The following CLSTN1 variants were observed in gnomAD, a reference collection of about 807,000 sequenced individuals.
The protein encoded by CLSTN1 is calsyntenin-1.
A neutral mutation model predicts 108.3 loss-of-function variants in CLSTN1; 28 were observed. The ratio of observed to expected loss-of-function variants is 0.26; its 90% confidence interval spans 0.19 to 0.35. The LOEUF (loss-of-function observed/expected upper bound fraction) is 0.35, where lower values mean the gene tolerates loss of function less well. Ranked by LOEUF, CLSTN1 falls within the 10% of genes least tolerant of loss-of-function variation. The pLI is 1.00. For synonymous variants in CLSTN1, 524 were observed against 534.9 expected (o/e 0.98, Z 0.28); for missense variants, 1,157 against 1,302.6 (o/e 0.89, Z 1.72).
At chr1:9,781,634 G>A (rs1653255728) in intron 1 of CLSTN1, among the ~76,000 whole-genome samples, 1 of 152,016 alleles carries the variant, frequency 6.6e-6, no homozygotes, top group East Asian at 1.9e-4. Flanking sequence ...GTAGAGATGG[G>A]GTTTCTCCAT....
Position 9,756,336 on chromosome 1 carries a change from A to AT in CLSTN1, c.244+144dup. 3 of 655,198 alleles carry AT rather than the reference A, an allele frequency of 4.6e-6. No individual in the cohort carries two copies. In the South Asian group the frequency reaches 6.2e-5, roughly 13 times the overall value. 40.6% of individuals were successfully genotyped at this position (655,198 alleles called of 1,614,324 possible). On this transcript the variant is annotated intron_variant, in intron 3 of 18. Coordinates refer to ENST00000377298, the MANE Select transcript of CLSTN1 (RefSeq NM_001009566.3). ...CTGGTTACATACAATTTCCATCAAT[A>AT]TACTTTAAAATAGAAACAAAGTAGG...
chr1:9,811,749 G>C (rs199825992), intron 1 of CLSTN1, among the ~76,000 whole-genome samples: 1 of 140,910 alleles, frequency 7.1e-6, no homozygotes, highest in Non-Finnish European at 1.5e-5. Context: ...AAAAAAAAAA[G>C]AGTAGGGATT....
In CLSTN1 at chr1:9,823,335, G is replaced by A. The variant is rs1022594938; in HGVS notation, c.91+308C>T. Among the ~76,000 whole-genome samples, 9 of 152,194 alleles carry A rather than the reference G, an allele frequency of 5.9e-5. No individual in the cohort carries two copies. The highest frequency in any genetic ancestry group is 1.2e-4 in the Non-Finnish European group (8 of 68,018). On this transcript the variant is annotated intron_variant, in intron 1 of 18. Coordinates refer to ENST00000377298, the MANE Select transcript of CLSTN1 (RefSeq NM_001009566.3). This position sits in a 1 kb window ranked among gnomAD's most constrained non-coding sequence, Gnocchi z 6.3. ...ATCAGCGCAGCCACCACCATGGGCT[G>A]CAGTGGGGGCAGCCCAGGCTCAGGA... is the stretch of plus-strand genomic sequence containing the variant.
chr1:9,784,060 T>C (rs1353268017), intron 1 of CLSTN1, among the ~76,000 whole-genome samples: 1 of 150,870 alleles, frequency 6.6e-6, no homozygotes, highest in African/African-American at 2.4e-5. Flanking sequence ...TAATCCCAGA[T>C]ACTTGGGAGG....
intron 1 of CLSTN1, among the ~76,000 whole-genome samples, chr1:9,820,378 G>C (rs1032859926): frequency 1.3e-5 from 2 of 152,116 alleles, no homozygotes; most frequent in African/African-American, 2.4e-5. Context: ...AATGAGCCCA[G>C]TGTGATGGCA....
rs780335826 is a variant in CLSTN1, at chr1:9,731,329, A to G, written c.2625T>C (p.Ile875=). The change falls in exon 18 of 19, where the codon ATT becomes ATC. Residue 875 remains isoleucine, a synonymous_variant. Coordinates refer to ENST00000377298, the MANE Select transcript of CLSTN1 (RefSeq NM_001009566.3). The stretch of plus-strand genomic sequence containing the variant: ...CCCGGATCCGAAATACCCCCAGGAT[A>G]ATCATGAACACCAGGAAGCTGACGC... ...VVCVSFLVFM[I]ILGVFRIRAA... is the part of the protein sequence containing the mutation. 1.4e-5 allele frequency: 22 copies of G among 1,614,120 alleles called. No homozygotes were observed. Among genetic ancestry groups the G allele is most frequent in the Non-Finnish European group, 1.9e-5 (22 of 1,180,050 alleles).
intron 2 of CLSTN1, among the ~76,000 whole-genome samples, chr1:9,763,736 C>T (rs1652192883): frequency 6.6e-6 from 1 of 152,174 alleles, no homozygotes; most frequent in Admixed American, 6.5e-5. Flanking sequence ...TCCTGTGCTC[C>T]TCTATACCCC....
intron 2 of CLSTN1, among the ~76,000 whole-genome samples, chr1:9,760,821 G>A (rs962933719): frequency 1.3e-5 from 2 of 149,110 alleles, no homozygotes; most frequent in Admixed American, 6.8e-5. Flanking sequence ...GAGCCACCAC[G>A]CCCGCCCCAG....
At chr1:9,772,956 T>C (rs1463836521) in intron 2 of CLSTN1, among the ~76,000 whole-genome samples, 1 of 152,164 alleles carries the variant, frequency 6.6e-6, no homozygotes, top group Non-Finnish European at 1.5e-5. Flanking sequence ...ACCCGCTGTC[T>C]CTACATTCCT....
chr1:9,758,476 G>A (rs577138215), intron 2 of CLSTN1, among the ~76,000 whole-genome samples: 1 of 151,548 alleles, frequency 6.6e-6, no homozygotes, highest in Admixed American at 6.6e-5. Context: ...ACCAAGCCTC[G>A]CTAATTTTTG....
intron 1 of CLSTN1, among the ~76,000 whole-genome samples, chr1:9,786,450 T>C (rs1653492066): frequency 6.6e-6 from 1 of 151,992 alleles, no homozygotes; most frequent in Non-Finnish European, 1.5e-5. Flanking sequence ...GAAACCAGCC[T>C]GGCCAACATG....
intron 11 of CLSTN1, 70 bp from the exon 12 acceptor site, chr1:9,736,112 A>AC (rs1650676502): frequency 1.3e-6 from 2 of 1,589,362 alleles, no homozygotes; most frequent in Admixed American, 1.7e-5. Flanking sequence ...TTCTCACTCA[A>AC]CACGGTGTTA....
chr1:9,733,988 C>T lies in CLSTN1; in HGVS notation c.2265G>A (p.Leu755=). The T allele has an allele frequency of 6.2e-7, 1 of 1,613,774 alleles. No individual in the cohort carries two copies. Among genetic ancestry groups the T allele is most frequent in the East Asian group, 2.2e-5 (1 of 44,858 alleles). Residue 755 remains leucine, a synonymous_variant, in exon 15 of 19, where the codon CTG becomes CTA. Coordinates refer to ENST00000377298, the MANE Select transcript of CLSTN1 (RefSeq NM_001009566.3). ...TCCCCTTACCTGTGAAGGTCATGCC[C>T]AGTTCAGAGCTGCTCACTTCAATGC... ...QKGIEVSSSE[L]GMTFTGVDTM... is the part of the protein sequence containing the mutation.
chr1:9,778,462 C>T (rs1314110575), intron 1 of CLSTN1, among the ~76,000 whole-genome samples: 1 of 151,972 alleles, frequency 6.6e-6, no homozygotes, highest in East Asian at 1.9e-4. Flanking sequence ...AAAGATACTG[C>T]GAAGGTGTTT....
chr1:9,746,479 G>GC (rs1355881564), intron 7 of CLSTN1, among the ~76,000 whole-genome samples: 1 of 152,176 alleles, frequency 6.6e-6, no homozygotes, highest in Admixed American at 6.6e-5. Context: ...ACTTTGAGAG[G>GC]CTGAGGCAGG....
rs145475066 is a variant in CLSTN1 at position 9,812,859 on chromosome 1, A to C, written c.91+10784T>G. On this transcript the variant is annotated intron_variant, in intron 1 of 18. Coordinates refer to ENST00000377298, the MANE Select transcript of CLSTN1 (RefSeq NM_001009566.3). ...CTGAAACTCTATCTCAAAAAAAAAAAAAAAAACAAACAAACCTATTGCTGA... is the reference window on the plus strand; with the variant it reads ...CTGAAACTCTATCTCAAAAAAAAAACAAAAAACAAACAAACCTATTGCTGA... Among the ~76,000 whole-genome samples, 820 of 151,214 alleles carry C rather than the reference A, an allele frequency of 5.4e-3. 5 individuals carry two copies. The highest frequency in any genetic ancestry group is 0.018 in the African/African-American group (747 of 41,210).
rs541817621 is a variant in CLSTN1, at chr1:9,738,471, G to A, written c.1520-917C>T. ...TCCAGGTGAAGCCCATGTGAGCCAC[G>A]GGCCTGTGCTACCTCCACACACACC... is the stretch of plus-strand genomic sequence containing the variant. On this transcript the variant is annotated intron_variant, in intron 10 of 18. Transcript: ENST00000377298. Among the ~76,000 whole-genome samples the A allele has an allele frequency of 4.6e-5, 7 of 152,228 alleles. No individual in the cohort carries two copies. In the South Asian group the frequency reaches 8.3e-4, roughly 18 times the overall value.
chr1:9,807,585 C>T (rs920754349), intron 1 of CLSTN1, among the ~76,000 whole-genome samples: 4 of 152,232 alleles, frequency 2.6e-5, no homozygotes, highest in Admixed American at 2.0e-4. Flanking sequence ...ACACTAAGCG[C>T]GTCTGGCCCT....
At chr1:9,822,074 A>G (rs1001758040) in intron 1 of CLSTN1, among the ~76,000 whole-genome samples, 1 of 152,248 alleles carries the variant, frequency 6.6e-6, no homozygotes, top group African/African-American at 2.4e-5. Flanking sequence ...CTGACTAAAT[A>G]TACTTAAACT....
Sources: gnomAD v4.1 joint callset for allele counts (sites outside exome capture counted in the v4.1 genomes callset) on GRCh38, gnomAD v4.1.1 for gene constraint, Gnocchi (gnomAD v3.1) non-coding constraint, MANE v1.5 for transcripts, NCBI Gene and HGNC (gene_info 2026-07-23, HGNC 2026-07-21) for gene names.